The following MTG2 variants were observed in gnomAD, a reference collection of about 807,000 sequenced individuals.
MTG2 encodes mitochondrial ribosome-associated GTPase 2.
Under a neutral mutation model 28.6 loss-of-function variants are expected in MTG2, and 23 were observed. The ratio of observed to expected loss-of-function variants is 0.80; its 90% CI spans 0.58 to 1.14. The LOEUF is 1.14. Among genes scored for constraint, MTG2 ranks in the 50% most tolerant of loss-of-function variants. The probability of loss-of-function intolerance (pLI) is 0.00; values close to 1 mark genes in which losing one functional copy is unlikely to be tolerated. For missense variants in MTG2, 539 were observed against 552.0 expected, an observed-to-expected ratio of 0.98 and a Z score of 0.24; for synonymous variants, 260 against 251.8, an observed-to-expected ratio of 1.03 and a Z score of -0.31.
rs767084953 is a variant in MTG2, at chr20:62,193,593, C to T, written c.173C>T (p.Pro58Leu). ...RADLAKHQEL[P>L]GKKLLSEKKL... is the part of the protein sequence containing the mutation. Reference sequence around the variant, plus strand: ...GACCTCGCCAAGCATCAGGAACTCCCGGGGAAGAAGCTGCTCTCTGAGAAA... The same window carrying T: ...GACCTCGCCAAGCATCAGGAACTCCTGGGGAAGAAGCTGCTCTCTGAGAAA... The change falls in exon 2 of 7, where the codon CCG (proline) becomes CTG (leucine). Residue 58 changes from proline (P) to leucine (L), a missense_variant. By Grantham distance (98) the Pro-to-Leu change is moderately conservative. Coordinates refer to ENST00000370823, the MANE Select transcript of MTG2 (RefSeq NM_015666.4). 11 of 1,612,838 alleles carry T rather than the reference C, an allele frequency of 6.8e-6. No homozygotes were observed. Among genetic ancestry groups the T allele is most frequent in the East Asian group, 4.5e-5 (2 of 44,878 alleles).
chr20:62,192,060 C>G (rs1034336333), intron 1 of MTG2, among the ~76,000 whole-genome samples: 3 of 152,226 alleles, frequency 2.0e-5, no homozygotes, highest in African/African-American at 7.2e-5. Flanking sequence ...AACAATTCGC[C>G]AGTCCTCTGC....
At chr20:62,190,696 G>C (rs955507982) in intron 1 of MTG2, among the ~76,000 whole-genome samples, 1 of 152,228 alleles carries the variant, frequency 6.6e-6, no homozygotes, top group Non-Finnish European at 1.5e-5. Flanking sequence ...GACGCTCTTG[G>C]GAAACTGCTG....
chr20:62,196,317 A>G (rs962567291), intron 3 of MTG2, among the ~76,000 whole-genome samples: 4 of 151,148 alleles, frequency 2.6e-5, no homozygotes, highest in Non-Finnish European at 5.9e-5. Flanking sequence ...TGATCACACC[A>G]CTGCATATTC....
At position 62,199,741 on chromosome 20, in the gene MTG2, C is replaced by CT. The variant is rs1196496302; in HGVS notation, c.826+485dup. ...ACGGAGTCTCACTCTGTCACCCTGG[C>CT]TGGAGTGCAGTGGTGCGATCTCAGC... On this transcript the variant is annotated intron_variant, in intron 6 of 6. Transcript: ENST00000370823. Among the ~76,000 whole-genome samples the CT allele has an allele frequency of 5.6e-5, 7 of 124,618 alleles. No individual in the cohort carries two copies. In the East Asian group the frequency reaches 1.8e-3, roughly 32 times the overall value. 81.8% of individuals were successfully genotyped at this position (124,618 alleles called of 152,430 possible). A position where few individuals can be genotyped will look rare whatever the true frequency, so the allele number is the denominator to read the frequency against.
rs1412276267 is a variant in MTG2, at chr20:62,198,633, G to A, written c.469-1G>A. 1 of 1,613,138 alleles carries A rather than the reference G, an allele frequency of 6.2e-7. No homozygotes were observed. Among genetic ancestry groups the A allele is most frequent in the African/African-American group, 1.3e-5 (1 of 74,944 alleles). On this transcript the variant is annotated splice_acceptor_variant, in intron 4 of 6. Transcript: ENST00000370823. LOFTEE classifies it high-confidence loss of function. ...GCTGATGAGTGCCTGCTGTTCCCCA[G>A]GTCCCCGTGGGCACGCTGGTGAAGG...
chr20:62,199,077 T>G (rs1396333695), intron 5 of MTG2, 42 bp from the exon 6 acceptor site: 1 of 1,610,918 alleles, frequency 6.2e-7, no homozygotes, highest in Non-Finnish European at 8.5e-7. Context: ...CTAACAAAGG[T>G]GCTGCCGCGG....
At chr20:62,184,808 C>A (rs1351690010) in intron 1 of MTG2, among the ~76,000 whole-genome samples, 3 of 152,192 alleles carry the variant, frequency 2.0e-5, no homozygotes, top group Admixed American at 1.3e-4. Flanking sequence ...GTTAGGAATA[C>A]ATTTAAAAGT....
At position 62,198,802 on chromosome 20, in the gene MTG2, C is replaced by G. The variant is rs752623165; in HGVS notation, c.637C>G (p.Gln213Glu). The G allele has an allele frequency of 6.2e-7, 1 of 1,614,152 alleles. No homozygotes were observed. Among genetic ancestry groups the G allele is most frequent in the Non-Finnish European group, 8.5e-7 (1 of 1,180,040 alleles). Residue 213 changes from glutamine (Q) to glutamate (E), a missense_variant, in exon 5 of 7, where the codon CAG (glutamine) becomes GAG (glutamate). Physicochemically the swap from Gln to Glu is conservative, Grantham distance 29. Transcript: ENST00000370823. ...GACCTGTACCCCTGGACAGCCAGGA[C>G]AGCAGCGAGTTCTCCACCTGGAGCT... ...PVTCTPGQPGQQRVLHLELKT... is the reference protein window; with the variant it reads ...PVTCTPGQPGEQRVLHLELKT...
intron 1 of MTG2, chr20:62,188,916 A>AGT (rs1369443086): frequency 6.6e-6 from 1 of 152,170 alleles, no homozygotes; most frequent in Non-Finnish European, 1.5e-5. Context: ...ACCTGAAAAC[A>AGT]GTGTATATTG....
At chr20:62,187,347 A>C (rs2057868742) in intron 1 of MTG2, among the ~76,000 whole-genome samples, 1 of 152,250 alleles carries the variant, frequency 6.6e-6, no homozygotes, top group African/African-American at 2.4e-5. Context: ...TACTAGCCTC[A>C]TAGGATGAGT....
intron 1 of MTG2, among the ~76,000 whole-genome samples, chr20:62,190,353 A>G (rs571471594): frequency 1.3e-5 from 2 of 152,334 alleles, no homozygotes; most frequent in East Asian, 3.9e-4. Context: ...ACAGTCTTAC[A>G]TATTTAAGAA....
chr20:62,199,134 G>T lies in MTG2; in HGVS notation c.703G>T (p.Ala235Ser), dbSNP rs200246261. The T allele has an allele frequency of 1.9e-6, 3 of 1,614,060 alleles. No homozygotes were observed. The highest frequency in any genetic ancestry group is 2.5e-6 in the Non-Finnish European group (3 of 1,180,008). ...TTTCCCCCAGGTGGGATTCCCCAACGCCGGGAAGTCCTCACTGCTCCGGGC... is the reference window on the plus strand; with the variant it reads ...TTTCCCCCAGGTGGGATTCCCCAACTCCGGGAAGTCCTCACTGCTCCGGGC... ...AHAGMVGFPN[A>S]GKSSLLRAIS... is the part of the protein sequence containing the mutation. Residue 235 changes from alanine (A) to serine (S), a missense_variant, in exon 6 of 7, where the codon GCC becomes TCC. Ala to Ser is a moderately conservative substitution (Grantham distance 99). Coordinates refer to ENST00000370823, the MANE Select transcript of MTG2 (RefSeq NM_015666.4).
rs773793215 is a variant in MTG2, at chr20:62,193,585, G to T, written c.165G>T (p.Gln55His). The T allele has an allele frequency of 1.1e-5, 18 of 1,613,170 alleles. No individual in the cohort carries two copies. Among genetic ancestry groups the T allele is most frequent in the Non-Finnish European group, 1.4e-5 (17 of 1,179,956 alleles). Residue 55 changes from glutamine (Q) to histidine (H), a missense_variant, in exon 2 of 7, where the codon CAG (glutamine) becomes CAT (histidine). By Grantham distance (24) the Gln-to-His change is conservative. Coordinates refer to ENST00000370823, the MANE Select transcript of MTG2 (RefSeq NM_015666.4). ...GCCGTGCGGACCTCGCCAAGCATCA[G>T]GAACTCCCGGGGAAGAAGCTGCTCT... Reference protein sequence around the residue: ...SVGRADLAKHQELPGKKLLSE... With the variant: ...SVGRADLAKHHELPGKKLLSE...
At position 62,200,978 on chromosome 20, in the gene MTG2, C is replaced by T. The variant is rs1245735930; in HGVS notation, c.1122C>T (p.Thr374=). The T allele has an allele frequency of 9.9e-6, 16 of 1,613,736 alleles. No homozygotes were observed. The highest frequency in any genetic ancestry group is 4.5e-5 in the East Asian group (2 of 44,896). Reference sequence around the variant, plus strand: ...AGGTCATCGTGCTGTCGGCGTTGACCGGCGAGAACCTGGAGCAGCTGCTGT... The same window carrying T: ...AGGTCATCGTGCTGTCGGCGTTGACTGGCGAGAACCTGGAGCAGCTGCTGT... ...GQEVIVLSAL[T]GENLEQLLLH... Residue 374 remains threonine, a synonymous_variant, in exon 7 of 7, where the codon ACC becomes ACT. Coordinates refer to ENST00000370823, the MANE Select transcript of MTG2 (RefSeq NM_015666.4).
At chr20:62,185,634 CTT>C (rs1291260609) in intron 1 of MTG2, among the ~76,000 whole-genome samples, 1 of 151,942 alleles carries the variant, frequency 6.6e-6, no homozygotes, top group African/African-American at 2.4e-5. Flanking sequence ...GAGTGAGACT[CTT>C]GTCTCAAAAA....
chr20:62,193,716 T>G, intron 2 of MTG2, 92 bp downstream of exon 2: 1 of 1,159,776 alleles, frequency 8.6e-7, no homozygotes, highest in South Asian at 1.6e-5. Context: ...TCATCTCTGT[T>G]GATGTTAGTT....
intron 1 of MTG2, among the ~76,000 whole-genome samples, chr20:62,186,604 C>A (rs551954535): frequency 6.7e-6 from 1 of 149,462 alleles, no homozygotes; most frequent in South Asian, 2.1e-4. Context: ...TCTCGGCTCA[C>A]GGCAGCGTCT....
chr20:62,198,129 C>T, intron 4 of MTG2, 162 bp downstream of exon 4: 1 of 612,094 alleles, frequency 1.6e-6, no homozygotes, highest in South Asian at 1.9e-5. Flanking sequence ...AGCAGCCCCA[C>T]CCCTCAAAGC....
intron 6 of MTG2, among the ~76,000 whole-genome samples, chr20:62,200,433 A>C (rs2058144710): frequency 6.6e-6 from 1 of 152,184 alleles, no homozygotes; most frequent in Admixed American, 6.5e-5. Context: ...AGATAGATCC[A>C]TCGCCACGCT....
Sources: gnomAD v4.1 joint callset for allele counts (sites outside exome capture counted in the v4.1 genomes callset) on GRCh38, gnomAD v4.1.1 for gene constraint, MANE v1.5 for transcripts, NCBI Gene and HGNC (gene_info 2026-07-23, HGNC 2026-07-21) for gene names.